The following RALGAPA1 variants were observed in gnomAD, a reference collection of about 807,000 sequenced individuals.
RALGAPA1 encodes Ral GTPase activating protein catalytic subunit alpha 1.
A neutral mutation model predicts 269.6 loss-of-function variants in RALGAPA1; 52 were observed. The ratio of observed to expected loss-of-function variants is 0.19; its 90% CI spans 0.15 to 0.24. RALGAPA1 has a LOEUF of 0.24. Among genes scored for constraint, RALGAPA1 ranks in the 10% least tolerant of loss-of-function variants. The pLI, the probability that RALGAPA1 is intolerant of heterozygous loss-of-function variation, is 1.00. For synonymous variants in RALGAPA1, 817 were observed against 1,008.3 expected (o/e 0.81, Z 3.60); for missense variants, 1,917 against 3,013.9 (o/e 0.64, Z 8.52).
chr14:35,569,480 C>A (rs1386294210), intron 39 of RALGAPA1, among the ~76,000 whole-genome samples: 1 of 152,144 alleles, frequency 6.6e-6, no homozygotes, highest in Non-Finnish European at 1.5e-5. Context: ...ATATTATTAT[C>A]ATTCTCATTT....
chr14:35,586,458 T>C (rs905534216), intron 37 of RALGAPA1, among the ~76,000 whole-genome samples: 1 of 152,214 alleles, frequency 6.6e-6, no homozygotes, highest in Admixed American at 6.5e-5. Context: ...TCCTGCCTGA[T>C]TGCCCTGGCC....
chr14:35,563,020 CAAAAAAAAAAAAAAAAA>C (rs71445944), intron 39 of RALGAPA1, among the ~76,000 whole-genome samples: 13 of 37,234 alleles, frequency 3.5e-4, no homozygotes, highest in Non-Finnish European at 6.4e-4. Flanking sequence ...GAGTCCGTCT[CAAAAAAAAAAAAAAAAA>C]AAAAAAAAAA....
At chr14:35,745,763 C>CAAAA (rs1157650791) in intron 10 of RALGAPA1, among the ~76,000 whole-genome samples, 28 of 33,120 alleles carry the variant, frequency 8.5e-4, no homozygotes, top group African/African-American at 2.7e-3. Flanking sequence ...GACTCCATCT[C>CAAAA]AAAAAAAAAA....
chr14:35,763,184 C>A (rs1029111786), intron 4 of RALGAPA1, among the ~76,000 whole-genome samples: 1 of 147,186 alleles, frequency 6.8e-6, no homozygotes, highest in East Asian at 2.1e-4. Context: ...TTTGAAAAGT[C>A]ATTAATATTT....
intron 34 of RALGAPA1, among the ~76,000 whole-genome samples, chr14:35,626,449 T>C (rs1296799055): frequency 1.3e-5 from 2 of 152,198 alleles, no homozygotes; most frequent in East Asian, 1.9e-4. Context: ...TGTATATTAA[T>C]AATGCTTTAC....
intron 26 of RALGAPA1, among the ~76,000 whole-genome samples, chr14:35,667,637 G>A (rs935590341): frequency 6.6e-6 from 1 of 152,196 alleles, no homozygotes; most frequent in Admixed American, 6.5e-5. Context: ...AGTTTCTGGT[G>A]TGCAGATCAC....
At chr14:35,582,041 T>C (rs751259151) in intron 37 of RALGAPA1, among the ~76,000 whole-genome samples, 1 of 152,196 alleles carries the variant, frequency 6.6e-6, no homozygotes, top group Non-Finnish European at 1.5e-5. Context: ...CAGATTATTA[T>C]TCAGCTTTAA....
intron 26 of RALGAPA1, among the ~76,000 whole-genome samples, chr14:35,666,014 C>T (rs2063897328): frequency 1.3e-5 from 2 of 151,354 alleles, no homozygotes; most frequent in Non-Finnish European, 2.9e-5. Context: ...TAGGTGTTTC[C>T]TCCTTTTTTT....
intron 35 of RALGAPA1, among the ~76,000 whole-genome samples, chr14:35,619,207 A>C (rs952294793): frequency 6.6e-6 from 1 of 152,164 alleles, no homozygotes; most frequent in Non-Finnish European, 1.5e-5. Flanking sequence ...TAGAAGGAGC[A>C]AGATTACATG....
intron 1 of RALGAPA1, among the ~76,000 whole-genome samples, chr14:35,797,075 C>G (rs2076618465): frequency 6.6e-6 from 1 of 152,106 alleles, no homozygotes; most frequent in Admixed American, 6.5e-5. Context: ...GAAGCCAAAG[C>G]CAGGCGCAGT....
chr14:35,781,587 TATC>T (rs1239366121), intron 1 of RALGAPA1, among the ~76,000 whole-genome samples: 2 of 140,212 alleles, frequency 1.4e-5, no homozygotes, highest in Non-Finnish European at 3.0e-5. Flanking sequence ...TCTATCTATC[TATC>T]TATCTATCTA....
chr14:35,726,512 T>C (rs1343690128), intron 13 of RALGAPA1, among the ~76,000 whole-genome samples: 2 of 152,034 alleles, frequency 1.3e-5, no homozygotes, highest in African/African-American at 2.4e-5. Context: ...TGGCCAGGTG[T>C]GGTGGCTCAC....
chr14:35,674,488 C>G (rs758827112), intron 23 of RALGAPA1, 28 bp downstream of exon 23: 7 of 1,553,960 alleles, frequency 4.5e-6, no homozygotes, highest in Non-Finnish European at 6.1e-6. Context: ...ATTTTCTTCT[C>G]CACTTATATC....
At position 35,750,520 on chromosome 14, in the gene RALGAPA1, G is replaced by T; in HGVS notation, c.973C>A (p.Pro325Thr). ...EPKPHTGPHI[P>T]GMEGEVLPKN... is the part of the protein sequence containing the mutation. ...GGCAAGACTTCACCTTCCATCCCAG[G>T]AATATGAGGTCCTGTATGTGGTTTT... The change falls in exon 9 of 42, where the codon CCT becomes ACT. Residue 325 changes from proline to threonine, a missense_variant. Pro to Thr is a conservative substitution (Grantham distance 38). Around this residue, in one of 11 missense-constraint regions of RALGAPA1, gnomAD observed 462 missense variants for 725.6 expected, o/e 0.64. Transcript: ENST00000680220. 6.2e-7 allele frequency: 1 copy of T among 1,612,940 alleles called. No individual in the cohort carries two copies.
chr14:35,651,630 T>G (rs144368712), intron 31 of RALGAPA1, among the ~76,000 whole-genome samples, 175 bp downstream of exon 31: 1 of 152,292 alleles, frequency 6.6e-6, no homozygotes, highest in East Asian at 1.9e-4. Context: ...GGCAATGAAA[T>G]GTGAACCAAA....
At chr14:35,607,075 AAC>A (rs1395487835) in intron 35 of RALGAPA1, among the ~76,000 whole-genome samples, 1 of 152,188 alleles carries the variant, frequency 6.6e-6, no homozygotes, top group Non-Finnish European at 1.5e-5. Flanking sequence ...TCCCAAGCAA[AAC>A]ACAGCTTATC....
rs1408472603 is a variant in RALGAPA1, at chr14:35,700,110, G to C, written c.2407+52C>G. On this transcript the variant is annotated intron_variant, in intron 17 of 41. Coordinates refer to ENST00000680220, the MANE Select transcript of RALGAPA1 (RefSeq NM_001346249.2). ...TTTGATTAAGCAAAATTTGAAAGCA[G>C]AGGATTAAAAAGTGAAAAAGGTGGT... 10 of 1,460,370 alleles carry C rather than the reference G, an allele frequency of 6.8e-6. No homozygotes were observed. The Admixed American group carries it at 1.9e-4, about 28-fold the overall frequency. 90.5% of individuals were successfully genotyped at this position (1,460,370 alleles called of 1,614,324 possible).
intron 36 of RALGAPA1, among the ~76,000 whole-genome samples, chr14:35,600,257 G>C (rs918515289): frequency 1.8e-5 from 2 of 114,202 alleles, no homozygotes; most frequent in African/African-American, 8.1e-5. Context: ...TTTGAGACAG[G>C]GTCTGCTCTA....
At chr14:35,687,520 G>T (rs2066061819) in intron 18 of RALGAPA1, among the ~76,000 whole-genome samples, 1 of 152,092 alleles carries the variant, frequency 6.6e-6, no homozygotes, top group African/African-American at 2.4e-5. Context: ...CTGCCCTCAG[G>T]TGGCATTAAT....
Sources: allele counts gnomAD v4.1 joint callset (sites outside exome capture counted in the v4.1 genomes callset), GRCh38; gene constraint gnomAD v4.1.1; regional missense constraint gnomAD v4.1.1; transcripts MANE v1.5; gene names NCBI Gene and HGNC (gene_info 2026-07-23, HGNC 2026-07-21).